The following CREG2 variants were observed in gnomAD, a reference collection of about 807,000 sequenced individuals.
CREG2 encodes the protein protein CREG2.
CREG2 carries 24 observed loss-of-function variants against 26.2 expected under a neutral mutation model. The ratio of observed to expected loss-of-function variants is 0.92; its 90% CI spans 0.66 to 1.29. The LOEUF is 1.29. CREG2 is among the 50% of genes most tolerant of loss of function. The probability of loss-of-function intolerance (pLI) is 0.00; values close to 1 mark genes in which losing one functional copy is unlikely to be tolerated. For missense variants in CREG2, 366 were observed against 398.6 expected, an observed-to-expected ratio of 0.92 and a Z score of 0.70; for synonymous variants, 174 against 169.2, an observed-to-expected ratio of 1.03 and a Z score of -0.22.
chr2:101,372,821 G>C (rs1684731114), intron 2 of CREG2, among the ~76,000 whole-genome samples: 1 of 152,094 alleles, frequency 6.6e-6, no homozygotes, highest in Non-Finnish European at 1.5e-5. Flanking sequence ...TTTAAAAATG[G>C]GTAAAGGGTT....
chr2:101,360,750 A>C (rs966138037), intron 2 of CREG2, among the ~76,000 whole-genome samples: 1 of 152,090 alleles, frequency 6.6e-6, no homozygotes, highest in South Asian at 2.1e-4. Context: ...AAAAAAAAAA[A>C]AAAGAAAGAA....
chr2:101,356,370 G>T (rs62156064), intron 2 of CREG2, among the ~76,000 whole-genome samples: 19,812 of 152,024 alleles, frequency 0.13, 1,513 homozygotes, highest in East Asian at 0.23. Flanking sequence ...CTTGCCAGGG[G>T]CCCTGCCCTC....
intron 2 of CREG2, chr2:101,382,922 T>C: frequency 1.0e-6 from 1 of 985,742 alleles, no homozygotes; most frequent in Non-Finnish European, 1.2e-6. Context: ...TGCAGACATT[T>C]CCCGGGGAGG....
rs1261396089 is a variant in CREG2 at position 101,351,033 on chromosome 2, A to G, written c.763T>C (p.Trp255Arg). The change falls in exon 4 of 4, where the codon TGG (tryptophan) becomes CGG (arginine). Residue 255 changes from tryptophan to arginine, a missense_variant. Around this residue, in one of 3 missense-constraint regions of CREG2, gnomAD observed 174 missense variants for 178.2 expected, o/e 0.98. Transcript: ENST00000324768. ...GMRKWPRQYE[W>R]FFMKMRIEHI... Reference sequence around the variant, plus strand: ...TCTATCCTCATCTTCATAAAGAACCATTCATATTGACGAGGCCACTTCCTC... The same window carrying G: ...TCTATCCTCATCTTCATAAAGAACCGTTCATATTGACGAGGCCACTTCCTC... 2.5e-6 allele frequency: 4 copies of G among 1,614,142 alleles called. No homozygotes were observed. The South Asian group carries it at 4.4e-5, about 18-fold the overall frequency.
At position 101,351,115 on chromosome 2, in the gene CREG2, G is replaced by C. The variant is rs368980889; in HGVS notation, c.726-45C>G. 2.3e-5 allele frequency: 36 copies of C among 1,596,804 alleles called. No homozygotes were observed. The African/African-American group carries it at 4.2e-4, about 18-fold the overall frequency. ...CCACAGTAAAGCTGCTCTTATCAGA[G>C]AGGTGCACCCTGGGCCAAGTCATAG... On this transcript the variant is annotated intron_variant, in intron 3 of 3. Transcript: ENST00000324768.
At chr2:101,352,976 G>T (rs1014793661) in intron 3 of CREG2, among the ~76,000 whole-genome samples, 3 of 152,168 alleles carry the variant, frequency 2.0e-5, no homozygotes, top group Non-Finnish European at 4.4e-5. Context: ...AGCAGAAAAA[G>T]CTACTGAAAG....
At chr2:101,384,457 A>G (rs1382585264) in intron 1 of CREG2, among the ~76,000 whole-genome samples, 2 of 152,066 alleles carry the variant, frequency 1.3e-5, no homozygotes, top group Non-Finnish European at 2.9e-5. Flanking sequence ...GTTGGAGGGG[A>G]GGCCAAGTGG....
chr2:101,378,329 A>G (rs866705781), intron 2 of CREG2, among the ~76,000 whole-genome samples: 9 of 152,242 alleles, frequency 5.9e-5, no homozygotes, highest in Non-Finnish European at 1.2e-4. Flanking sequence ...GGAAATGCAT[A>G]TAAGACCGGC....
intron 3 of CREG2, among the ~76,000 whole-genome samples, chr2:101,352,928 C>T (rs996071693): frequency 1.1e-4 from 16 of 151,884 alleles, no homozygotes; most frequent in East Asian, 1.9e-4. Context: ...CCAGCCTGCA[C>T]AAAAGAAAAA....
chr2:101,381,988 G>T, intron 2 of CREG2: 1 of 152,562 alleles, frequency 6.6e-6, no homozygotes. Context: ...CCATTTGCCT[G>T]GGGGTTGCCA....
At position 101,367,547 on chromosome 2, in the gene CREG2, A is replaced by T. The variant is rs116415107; in HGVS notation, c.612-12181T>A. On this transcript the variant is annotated intron_variant, in intron 2 of 3. Transcript: ENST00000324768. ...TGTTTCTATCTCCAGTTGCACATCCATTTAAACTGTTACTTCCATCCTGAG... is the reference window on the plus strand; with the variant it reads ...TGTTTCTATCTCCAGTTGCACATCCTTTTAAACTGTTACTTCCATCCTGAG... Among the ~76,000 whole-genome samples, 1,211 of 152,330 alleles carry T rather than the reference A, an allele frequency of 7.9e-3. 9 individuals carry two copies. The highest frequency in any genetic ancestry group is 0.027 in the African/African-American group (1,138 of 41,570).
chr2:101,379,136 A>G (rs1048564465), intron 2 of CREG2, among the ~76,000 whole-genome samples: 7 of 152,236 alleles, frequency 4.6e-5, no homozygotes, highest in East Asian at 1.9e-4. Context: ...GGGCAGGCCA[A>G]TAATGCCCAA....
At chr2:101,358,179 G>A (rs1285508035) in intron 2 of CREG2, among the ~76,000 whole-genome samples, 2 of 151,994 alleles carry the variant, frequency 1.3e-5, no homozygotes, top group East Asian at 3.9e-4. Flanking sequence ...TTTAATGGAG[G>A]TGTGGTTTCA....
At position 101,346,648 on chromosome 2, in the gene CREG2, A is replaced by G. The variant is rs1226704355; in HGVS notation, c.*4275T>C. The G allele has an allele frequency of 6.6e-6, 1 of 152,224 alleles. No individual in the cohort carries two copies. Among genetic ancestry groups the G allele is most frequent in the Non-Finnish European group, 1.5e-5 (1 of 68,032 alleles). The allele number at this position is 152,224 out of a possible 1,614,324, so 9.4% of individuals were successfully genotyped here. ...CTCTTTGTACTAGGTTTTGGCTTAT[A>G]GCTCAGTTCCTCATTTTATTAGGGA... is the stretch of plus-strand genomic sequence containing the variant. On this transcript the variant is annotated 3_prime_UTR_variant, in exon 4 of 4. Coordinates refer to ENST00000324768, the MANE Select transcript of CREG2 (RefSeq NM_153836.4).
chr2:101,362,133 C>T (rs1209983667), intron 2 of CREG2, among the ~76,000 whole-genome samples: 6 of 152,182 alleles, frequency 3.9e-5, no homozygotes, highest in African/African-American at 1.4e-4. Context: ...CAAGGAGCTG[C>T]TTGCTGAGGA....
intron 2 of CREG2, among the ~76,000 whole-genome samples, chr2:101,369,827 C>T (rs776826477): frequency 5.9e-5 from 9 of 152,186 alleles, no homozygotes; most frequent in Non-Finnish European, 1.3e-4. Flanking sequence ...CATGGACCTG[C>T]GTGCACGTAT....
intron 2 of CREG2, among the ~76,000 whole-genome samples, chr2:101,365,488 G>C (rs1411042774): frequency 6.6e-6 from 1 of 152,164 alleles, no homozygotes; most frequent in East Asian, 1.9e-4. Context: ...AGAAAGGAAT[G>C]GTCTTTGGTA....
chr2:101,383,382 G>C (rs1286462460), intron 2 of CREG2, 151 bp downstream of exon 2: 9 of 737,498 alleles, frequency 1.2e-5, no homozygotes, highest in Non-Finnish European at 2.0e-5. Context: ...TTGGTGAGTG[G>C]TGGAATTCTA....
intron 2 of CREG2, among the ~76,000 whole-genome samples, chr2:101,361,717 G>A (rs1684542059): frequency 6.6e-6 from 1 of 152,162 alleles, no homozygotes; most frequent in Non-Finnish European, 1.5e-5. Flanking sequence ...GCATCAATAC[G>A]AAACTAATAC....
Sources: gnomAD v4.1 joint callset for allele counts (sites outside exome capture counted in the v4.1 genomes callset) on GRCh38, gnomAD v4.1.1 for gene constraint, gnomAD v4.1.1 regional missense constraint, MANE v1.5 for transcripts, NCBI Gene and HGNC (gene_info 2026-07-23, HGNC 2026-07-21) for gene names.